The following NKAIN2 variants were observed in gnomAD, a reference collection of about 807,000 sequenced individuals.
NKAIN2 encodes the protein sodium/potassium transporting ATPase interacting 2, also known as sodium/potassium-transporting ATPase subunit beta-1-interacting protein 2.
In NKAIN2, 14 loss-of-function variants were observed where a neutral mutation model predicts 32.6. The ratio of observed to expected loss-of-function variants is 0.43; its 90% CI spans 0.28 to 0.67. The LOEUF (loss-of-function observed/expected upper bound fraction) is 0.67. Among genes scored for constraint, NKAIN2 ranks in the 30% least tolerant of loss-of-function variants. NKAIN2 has a pLI of 0.17. For synonymous variants in NKAIN2, 80 were observed against 87.2 expected (o/e 0.92, Z 0.46); for missense variants, 198 against 258.3 (o/e 0.77, Z 1.60).
At chr6:123,923,488 T>C (rs145175609) in intron 1 of NKAIN2, among the ~76,000 whole-genome samples, 2 of 152,092 alleles carry the variant, frequency 1.3e-5, no homozygotes, top group African/African-American at 4.8e-5. Context: ...CATCTGACCA[T>C]AATTTGAAAG....
At chr6:124,277,334 A>G (rs1279796287) in intron 1 of NKAIN2, among the ~76,000 whole-genome samples, 1 of 152,104 alleles carries the variant, frequency 6.6e-6, no homozygotes, top group East Asian at 1.9e-4. Flanking sequence ...AATGGTACCT[A>G]CAGATGAAAT....
At chr6:124,685,097 G>A (rs1210121542) in intron 4 of NKAIN2, among the ~76,000 whole-genome samples, 1 of 152,082 alleles carries the variant, frequency 6.6e-6, no homozygotes, top group African/African-American at 2.4e-5. Flanking sequence ...CATGGTATTG[G>A]AAGTCATTTG....
At chr6:124,738,570 T>TA (rs1156433008) in intron 4 of NKAIN2, among the ~76,000 whole-genome samples, 4 of 120,548 alleles carry the variant, frequency 3.3e-5, no homozygotes, top group African/African-American at 1.3e-4. Context: ...CATGAACTCT[T>TA]ATTTTCACAT....
intron 3 of NKAIN2, among the ~76,000 whole-genome samples, chr6:124,595,007 GAC>G (rs1173199676): frequency 3.3e-5 from 5 of 152,112 alleles, no homozygotes; most frequent in Non-Finnish European, 7.4e-5. Flanking sequence ...TTTACTGAGA[GAC>G]AGAGGAAAAG....
intron 1 of NKAIN2, among the ~76,000 whole-genome samples, chr6:124,037,901 A>G (rs562901838): frequency 6.6e-6 from 1 of 152,302 alleles, no homozygotes; most frequent in African/African-American, 2.4e-5. Flanking sequence ...GTGAAAGCCT[A>G]TGTTCAACAA....
intron 1 of NKAIN2, among the ~76,000 whole-genome samples, chr6:124,050,445 G>T (rs1375200491): frequency 1.3e-5 from 2 of 151,994 alleles, no homozygotes; most frequent in Admixed American, 1.3e-4. Context: ...TTCATTACCT[G>T]CATTGCTCCT....
At chr6:123,879,567 G>T (rs1186541211) in intron 1 of NKAIN2, among the ~76,000 whole-genome samples, 1 of 152,132 alleles carries the variant, frequency 6.6e-6, no homozygotes, top group Non-Finnish European at 1.5e-5. Flanking sequence ...TTTCTACCTT[G>T]TCTTTCCACT....
chr6:124,382,431 T>C (rs546163908), intron 3 of NKAIN2, among the ~76,000 whole-genome samples: 1 of 152,282 alleles, frequency 6.6e-6, no homozygotes, highest in South Asian at 2.1e-4. Context: ...CCAGTCCCAT[T>C]CTGGTAGAGT....
At chr6:124,491,048 T>C (rs984169715) in intron 3 of NKAIN2, among the ~76,000 whole-genome samples, 19 of 152,160 alleles carry the variant, frequency 1.2e-4, no homozygotes, top group African/African-American at 3.9e-4. Context: ...GTTGCAAGAT[T>C]TAGATAAATA....
At chr6:123,881,264 C>T (rs757740776) in intron 1 of NKAIN2, among the ~76,000 whole-genome samples, 22 of 152,108 alleles carry the variant, frequency 1.4e-4, no homozygotes, top group African/African-American at 4.6e-4. Flanking sequence ...TCAGGTGATC[C>T]GCCCACCTCG....
chr6:124,571,296 A>G (rs1781118537), intron 3 of NKAIN2, among the ~76,000 whole-genome samples: 1 of 152,174 alleles, frequency 6.6e-6, no homozygotes, highest in Non-Finnish European at 1.5e-5. Context: ...ACTGTTGGGA[A>G]GGCATGACTG....
intron 1 of NKAIN2, among the ~76,000 whole-genome samples, chr6:123,857,530 G>A (rs1775602584): frequency 6.6e-6 from 1 of 152,032 alleles, no homozygotes; most frequent in African/African-American, 2.4e-5. Flanking sequence ...TAAGTTCGTA[G>A]AAGATTAAAC....
At chr6:123,933,231 A>T (rs917413281) in intron 1 of NKAIN2, among the ~76,000 whole-genome samples, 1 of 152,186 alleles carries the variant, frequency 6.6e-6, no homozygotes, top group Admixed American at 6.5e-5. Flanking sequence ...ATGATGTTTT[A>T]TTTCAAATTT....
rs1450266632 is a variant in NKAIN2 at position 124,617,706 on chromosome 6, G to A, written c.274-40480G>A. ...TACACTGCTTATAAAAATCGTGACT[G>A]GGATTATGAATTCTAAAACCTTACT... is the stretch of plus-strand genomic sequence containing the variant. On this transcript the variant is annotated intron_variant, in intron 3 of 6. Coordinates refer to ENST00000368417, the MANE Select transcript of NKAIN2 (RefSeq NM_001040214.3). 2.6e-5 allele frequency among the ~76,000 whole-genome samples: 4 copies of A among 152,072 alleles called. No individual in the cohort carries two copies. The East Asian group carries it at 5.8e-4, about 22-fold the overall frequency.
chr6:124,401,910 T>A (rs145201404), intron 3 of NKAIN2, among the ~76,000 whole-genome samples: 72 of 152,340 alleles, frequency 4.7e-4, no homozygotes, highest in East Asian at 3.9e-4. Context: ...TTTTTTGATG[T>A]AGTCAAATTT....
chr6:124,078,662 AAAG>A (rs1030857501), intron 1 of NKAIN2, among the ~76,000 whole-genome samples: 41 of 152,288 alleles, frequency 2.7e-4, no homozygotes, highest in African/African-American at 9.1e-4. Context: ...ATCCTAGTTT[AAAG>A]AAGTTCTCTT....
At chr6:123,819,548 G>C (rs1773838381) in intron 1 of NKAIN2, among the ~76,000 whole-genome samples, 1 of 152,110 alleles carries the variant, frequency 6.6e-6, no homozygotes. Context: ...CGTCTAATTA[G>C]AAAATACAGT....
intron 2 of NKAIN2, among the ~76,000 whole-genome samples, chr6:124,295,818 T>C (rs1292755342): frequency 6.6e-6 from 1 of 152,144 alleles, no homozygotes; most frequent in Non-Finnish European, 1.5e-5. Flanking sequence ...AAAAATTGTA[T>C]TTCTTTTAAC....
rs1016245214 is a variant in NKAIN2, at chr6:124,049,827, C to T, written c.55-233178C>T. 3.0e-4 allele frequency among the ~76,000 whole-genome samples: 45 copies of T among 151,676 alleles called. 1 individual carries two copies. Among genetic ancestry groups the T allele is most frequent in the Non-Finnish European group, 5.9e-5 (4 of 67,938 alleles). ...AGTGCAGGTGCAAGTACTCTTGCAC[C>T]CAAATAAAGGTCCATTTGACTTATA... On this transcript the variant is annotated intron_variant, in intron 1 of 6. Transcript: ENST00000368417.
Sources: gnomAD v4.1 joint callset for allele counts (sites outside exome capture counted in the v4.1 genomes callset) on GRCh38, gnomAD v4.1.1 for gene constraint, MANE v1.5 for transcripts, NCBI Gene and HGNC (gene_info 2026-07-23, HGNC 2026-07-21) for gene names.